INTU: variants seen among roughly 807,000 people sequenced by gnomAD.
INTU encodes the protein inturned planar cell polarity protein.
INTU carries 68 observed loss-of-function variants against 100.5 expected under a neutral mutation model. The observed-to-expected ratio is 0.68, with a 90% confidence interval of 0.56 to 0.83. The LOEUF is 0.83. INTU is among the 40% of genes least tolerant of loss of function. INTU has a pLI of 0.00. For missense variants in INTU, 1,071 were observed against 1,114.7 expected, an observed-to-expected ratio of 0.96 and a Z score of 0.56; for synonymous variants, 357 against 395.7, an observed-to-expected ratio of 0.90 and a Z score of 1.16.
At chr4:127,645,372 C>A (rs1433437714) in intron 2 of INTU, among the ~76,000 whole-genome samples, 1 of 152,018 alleles carries the variant, frequency 6.6e-6, no homozygotes, top group Non-Finnish European at 1.5e-5. Flanking sequence ...CAGCTGATAG[C>A]CCCAACTGAA....
intron 15 of INTU, among the ~76,000 whole-genome samples, chr4:127,714,444 GA>G (rs1469411994): frequency 3.3e-5 from 5 of 150,974 alleles, no homozygotes; most frequent in Non-Finnish European, 7.4e-5. Context: ...CCTGCCACAG[GA>G]CCATGCCCAG....
At chr4:127,711,658 CA>C (rs942753667) in intron 14 of INTU, among the ~76,000 whole-genome samples, 10 of 152,142 alleles carry the variant, frequency 6.6e-5, no homozygotes, top group Non-Finnish European at 1.5e-4. Context: ...CATACGAGTG[CA>C]AACCCTATTA....
rs1329248827 is a variant in INTU at position 127,680,252 on chromosome 4, T to G, written c.1182-4157T>G. ...AGAGGGAATCCTCCCTAACTCATTTTATGAGGCCAGCATCATCCTGATACC... is the reference window on the plus strand; with the variant it reads ...AGAGGGAATCCTCCCTAACTCATTTGATGAGGCCAGCATCATCCTGATACC... On this transcript the variant is annotated intron_variant, in intron 6 of 15. Coordinates refer to ENST00000335251, the MANE Select transcript of INTU (RefSeq NM_015693.4). Among the ~76,000 whole-genome samples, 4 of 152,070 alleles carry G rather than the reference T, an allele frequency of 2.6e-5. 1 individual carries two copies. Among genetic ancestry groups the G allele is most frequent in the Admixed American group, 1.3e-4 (2 of 15,270 alleles).
rs1482270912 is a variant in INTU at position 127,725,363 on chromosome 4, T to C, written c.*8927T>C. The stretch of plus-strand genomic sequence containing the variant: ...TTAAGATCACAATATTGTCATATGC[T>C]ACCATTTGACTCACAACTGCTGTCT... On this transcript the variant is annotated 3_prime_UTR_variant, in exon 16 of 16. Coordinates refer to ENST00000335251, the MANE Select transcript of INTU (RefSeq NM_015693.4). 1.3e-5 allele frequency: 2 copies of C among 152,182 alleles called. No individual in the cohort carries two copies. Among genetic ancestry groups the C allele is most frequent in the African/African-American group, 2.4e-5 (1 of 41,460 alleles). The allele number at this position is 152,182 out of a possible 1,614,324, so 9.4% of individuals were successfully genotyped here. A position where few individuals can be genotyped will look rare whatever the true frequency, so the allele number is the denominator to read the frequency against.
At chr4:127,653,411 G>A (rs1365776646) in intron 2 of INTU, among the ~76,000 whole-genome samples, 3 of 143,320 alleles carry the variant, frequency 2.1e-5, no homozygotes, top group African/African-American at 5.2e-5. Context: ...CAGAGATTCT[G>A]GTATGTTGTG....
chr4:127,674,233 A>G lies in INTU; in HGVS notation c.1181+20A>G, dbSNP rs555724966. 3 of 1,544,512 alleles carry G rather than the reference A, an allele frequency of 1.9e-6. No homozygotes were observed. The East Asian group carries it at 6.7e-5, about 35-fold the overall frequency. Reference sequence around the variant, plus strand: ...TGAAGAGTAAGTTGAGGTTTTGCTTACCTTAAAATCATTTCCAAATAATGT... The same window carrying G: ...TGAAGAGTAAGTTGAGGTTTTGCTTGCCTTAAAATCATTTCCAAATAATGT... On this transcript the variant is annotated intron_variant, in intron 6 of 15. Coordinates refer to ENST00000335251, the MANE Select transcript of INTU (RefSeq NM_015693.4).
chr4:127,660,645 A>G (rs2126197337), intron 3 of INTU, among the ~76,000 whole-genome samples: 1 of 152,320 alleles, frequency 6.6e-6, no homozygotes, highest in South Asian at 2.1e-4. Context: ...TAAAGACTGA[A>G]GTAGAAAGAA....
At chr4:127,682,898 A>G (rs147109846) in intron 6 of INTU, among the ~76,000 whole-genome samples, 2 of 152,310 alleles carry the variant, frequency 1.3e-5, no homozygotes, top group East Asian at 3.9e-4. Flanking sequence ...CAAAAGGCAA[A>G]AGAGAAGAAA....
intron 2 of INTU, among the ~76,000 whole-genome samples, chr4:127,652,370 C>CTTATTATTA (rs1727931455): frequency 6.6e-6 from 1 of 150,606 alleles, no homozygotes; most frequent in East Asian, 1.9e-4. Flanking sequence ...TCATAGATAG[C>CTTATTATTA]TCTTATTATT....
intron 4 of INTU, among the ~76,000 whole-genome samples, chr4:127,664,856 T>A (rs1394137708): frequency 6.6e-6 from 1 of 152,058 alleles, no homozygotes; most frequent in African/African-American, 2.4e-5. Flanking sequence ...ACTGATATAT[T>A]TGAATTCATG....
In INTU at chr4:127,633,192, A is replaced by G. The variant is rs1266012073; in HGVS notation, c.146+12A>G. 1 of 1,611,314 alleles carries G rather than the reference A, an allele frequency of 6.2e-7. No individual in the cohort carries two copies. On this transcript the variant is annotated intron_variant, in intron 1 of 15. Transcript: ENST00000335251. Reference sequence around the variant, plus strand: ...AGTAGCGATTATGAGTAAGGTTTTCAAAGAGGGACAATTAATCCCATCCCA... The same window carrying G: ...AGTAGCGATTATGAGTAAGGTTTTCGAAGAGGGACAATTAATCCCATCCCA...
rs1010954603 is a variant in INTU, at chr4:127,720,300, T to G, written c.*3864T>G. ...CGTAGTTTTGTGGTTTTGAGTGACTTTCTTACTCTTGAGTTCCAATTTGAT... is the reference window on the plus strand; with the variant it reads ...CGTAGTTTTGTGGTTTTGAGTGACTGTCTTACTCTTGAGTTCCAATTTGAT... On this transcript the variant is annotated 3_prime_UTR_variant, in exon 16 of 16. Transcript: ENST00000335251. 7 of 152,234 alleles carry G rather than the reference T, an allele frequency of 4.6e-5. No homozygotes were observed. Among genetic ancestry groups the G allele is most frequent in the Admixed American group, 6.5e-5 (1 of 15,282 alleles). 9.4% of individuals were successfully genotyped at this position (152,234 alleles called of 1,614,324 possible).
chr4:127,688,206 CAA>C (rs80107806), intron 8 of INTU, among the ~76,000 whole-genome samples: 4 of 115,032 alleles, frequency 3.5e-5, no homozygotes, highest in Non-Finnish European at 3.9e-5. Flanking sequence ...TGTTTCTGTA[CAA>C]AAAAAAAAAA....
chr4:127,718,078 T>C lies in INTU; in HGVS notation c.*1642T>C, dbSNP rs1731294670. 1 of 152,224 alleles carries C rather than the reference T, an allele frequency of 6.6e-6. No individual in the cohort carries two copies. 9.4% of individuals were successfully genotyped at this position (152,224 alleles called of 1,614,324 possible). A position where few individuals can be genotyped will look rare whatever the true frequency, so the allele number is the denominator to read the frequency against. On this transcript the variant is annotated 3_prime_UTR_variant, in exon 16 of 16. Transcript: ENST00000335251. ...TCTTTGCCCATGCTCATGTCTTAAATGGTATTGCCTAGATTTTCTTCTAGG... is the reference window on the plus strand; with the variant it reads ...TCTTTGCCCATGCTCATGTCTTAAACGGTATTGCCTAGATTTTCTTCTAGG...
chr4:127,704,072 T>G (rs1730767688), intron 9 of INTU, among the ~76,000 whole-genome samples, 156 bp from the exon 10 acceptor site: 2 of 152,236 alleles, frequency 1.3e-5, no homozygotes, highest in Admixed American at 6.5e-5. Context: ...ATATTGTATT[T>G]CATCCTAATA....
Position 127,719,265 on chromosome 4 carries a change from T to C in INTU, c.*2829T>C, listed in dbSNP as rs1196094904. The C allele has an allele frequency of 6.6e-6, 1 of 152,212 alleles. No individual in the cohort carries two copies. Among genetic ancestry groups the C allele is most frequent in the Non-Finnish European group, 1.5e-5 (1 of 68,046 alleles). The allele number at this position is 152,212 out of a possible 1,614,324, so 9.4% of individuals were successfully genotyped here. ...CATGTGGTCTTTGTCTTTAGTTCTG[T>C]TTGTGTGATGAATTAAGTTTATTGA... On this transcript the variant is annotated 3_prime_UTR_variant, in exon 16 of 16. Coordinates refer to ENST00000335251, the MANE Select transcript of INTU (RefSeq NM_015693.4).
In INTU at chr4:127,720,770, C is replaced by G. The variant is rs934328132; in HGVS notation, c.*4334C>G. Reference sequence around the variant, plus strand: ...TTTTTAATCTTTATTCGTTTAAAGTCTTTGTCAGAAACTAGGATTGCAGCC... The same window carrying G: ...TTTTTAATCTTTATTCGTTTAAAGTGTTTGTCAGAAACTAGGATTGCAGCC... On this transcript the variant is annotated 3_prime_UTR_variant, in exon 16 of 16. Transcript: ENST00000335251. The G allele has an allele frequency of 6.6e-6, 1 of 151,788 alleles. No homozygotes were observed. The highest frequency in any genetic ancestry group is 2.1e-4 in the South Asian group (1 of 4,814). 9.4% of individuals were successfully genotyped at this position (151,788 alleles called of 1,614,324 possible).
chr4:127,686,340 C>G (rs1322877163), intron 7 of INTU: 1 of 152,270 alleles, frequency 6.6e-6, no homozygotes, highest in Non-Finnish European at 1.5e-5. Context: ...TTGCCCTGTC[C>G]AGCCACTGCT....
chr4:127,647,545 T>C (rs1578534995), intron 2 of INTU, among the ~76,000 whole-genome samples: 1 of 152,162 alleles, frequency 6.6e-6, no homozygotes, highest in Admixed American at 6.5e-5. Flanking sequence ...TTCCAATCTT[T>C]TAAGTTAATT....
Sources: gnomAD v4.1 joint callset for allele counts (sites outside exome capture counted in the v4.1 genomes callset) on GRCh38, gnomAD v4.1.1 for gene constraint, MANE v1.5 for transcripts, NCBI Gene and HGNC (gene_info 2026-07-23, HGNC 2026-07-21) for gene names.